The following PRRC2B variants were observed in gnomAD, a reference collection of about 807,000 sequenced individuals.
The protein encoded by PRRC2B is proline rich coiled-coil 2B.
PRRC2B carries 68 observed loss-of-function variants against 242.3 expected under a neutral mutation model. That is an observed-to-expected ratio of 0.28 (90% CI 0.23 to 0.34). The LOEUF (loss-of-function observed/expected upper bound fraction) is 0.34. Among genes scored for constraint, PRRC2B ranks in the 10% least tolerant of loss-of-function variants. The pLI is 1.00. For synonymous variants in PRRC2B, 1,228 were observed against 1,173.6 expected, an observed-to-expected ratio of 1.05 and a Z score of -0.95; for missense variants, 2,835 against 2,954.8, an observed-to-expected ratio of 0.96 and a Z score of 0.94.
rs1184429697 is a variant in PRRC2B, at chr9:131,467,557, C to G, written c.1721-6C>G. On this transcript the variant is annotated splice_region_variant and splice_polypyrimidine_tract_variant and intron_variant, in intron 12 of 31. Transcript: ENST00000683519. ...TGTGTCATTTCTCTGCTGGTATATTCTCTAGGCTCCCCAGAATTCCCTGCC... is the reference window on the plus strand; with the variant it reads ...TGTGTCATTTCTCTGCTGGTATATTGTCTAGGCTCCCCAGAATTCCCTGCC... The G allele has an allele frequency of 6.3e-7, 1 of 1,593,020 alleles. No homozygotes were observed. The highest frequency in any genetic ancestry group is 8.5e-7 in the Non-Finnish European group (1 of 1,169,816).
In PRRC2B at chr9:131,491,589, A is replaced by T; in HGVS notation, c.6381+9A>T. Reference sequence around the variant, plus strand: ...TGAACACCAGCAGAGAGGTAAGGGGACCCCATCTGCCTCTGACCCTAGGGA... The same window carrying T: ...TGAACACCAGCAGAGAGGTAAGGGGTCCCCATCTGCCTCTGACCCTAGGGA... On this transcript the variant is annotated intron_variant, in intron 29 of 31. Transcript: ENST00000683519. The T allele has an allele frequency of 1.2e-6, 2 of 1,603,482 alleles. No homozygotes were observed. The highest frequency in any genetic ancestry group is 1.7e-6 in the Non-Finnish European group (2 of 1,175,462).
chr9:131,420,489 C>CT (rs1169679766), intron 1 of PRRC2B, among the ~76,000 whole-genome samples: 485 of 17,634 alleles, frequency 0.028, 69 homozygotes, highest in African/African-American at 0.063. Flanking sequence ...TTCTTTCTTT[C>CT]TTTCTTTTTT....
chr9:131,436,229 G>T (rs993247487), intron 3 of PRRC2B, among the ~76,000 whole-genome samples: 7 of 152,174 alleles, frequency 4.6e-5, no homozygotes, highest in African/African-American at 1.7e-4. Flanking sequence ...GCCAGGCAAG[G>T]TGGCTCAAGC....
intron 14 of PRRC2B, among the ~76,000 whole-genome samples, chr9:131,472,908 A>T (rs151319069): frequency 6.6e-6 from 1 of 152,136 alleles, no homozygotes; most frequent in South Asian, 2.1e-4. Flanking sequence ...TTTTGCTTCT[A>T]CATTTCATTT....
At chr9:131,465,253 C>G (rs1027922387) in intron 12 of PRRC2B, among the ~76,000 whole-genome samples, 175 bp downstream of exon 12, 19 of 152,126 alleles carry the variant, frequency 1.2e-4, no homozygotes, top group African/African-American at 4.3e-4. Flanking sequence ...GGTTCTGATC[C>G]TATTTGAACT....
intron 1 of PRRC2B, among the ~76,000 whole-genome samples, chr9:131,419,655 CTCT>C (rs149258253): frequency 0.056 from 8,594 of 152,232 alleles, 315 homozygotes; most frequent in Admixed American, 0.11. Context: ...GGTCTTTGTT[CTCT>C]TGTTTATTCC....
rs1260096023 is a variant in PRRC2B at position 131,475,362 on chromosome 9, G to A, written c.3233G>A (p.Gly1078Asp). The change falls in exon 16 of 32, where the codon GGT (glycine) becomes GAT (aspartate). Residue 1078 changes from glycine (G) to aspartate (D), a missense_variant. Physicochemically the swap from Gly to Asp is moderately conservative, Grantham distance 94. Coordinates refer to ENST00000683519, the MANE Select transcript of PRRC2B (RefSeq NM_013318.4). ...GRGFREFTFRGRPAGGNGSGL... is the reference protein window; with the variant it reads ...GRGFREFTFRDRPAGGNGSGL... Reference sequence around the variant, plus strand: ...GGTTTCAGAGAGTTCACTTTTCGTGGTCGGCCTGCTGGCGGAAATGGGAGC... The same window carrying A: ...GGTTTCAGAGAGTTCACTTTTCGTGATCGGCCTGCTGGCGGAAATGGGAGC... 2 of 1,586,418 alleles carry A rather than the reference G, an allele frequency of 1.3e-6. No individual in the cohort carries two copies. The highest frequency in any genetic ancestry group is 2.7e-5 in the African/African-American group (2 of 73,924).
intron 1 of PRRC2B, among the ~76,000 whole-genome samples, chr9:131,402,499 C>T (rs890967300): frequency 5.3e-5 from 8 of 152,274 alleles, no homozygotes; most frequent in East Asian, 1.9e-4. Flanking sequence ...CATTCAGCGA[C>T]GGGCAGCAGC....
intron 1 of PRRC2B, among the ~76,000 whole-genome samples, chr9:131,408,055 C>T (rs779229144): frequency 6.6e-6 from 1 of 152,130 alleles, no homozygotes; most frequent in Admixed American, 6.5e-5. Context: ...GGCCCTAATC[C>T]GCCTCCTGCA....
chr9:131,494,520 G>C lies in PRRC2B; in HGVS notation c.6555+34G>C. ...TGGCTTTCCAGACCCTTCAGCCCTG[G>C]ACACTTAGGCCCGTCTCCAAGCGCC... is the stretch of plus-strand genomic sequence containing the variant. On this transcript the variant is annotated intron_variant, in intron 31 of 31. Transcript: ENST00000683519. The surrounding 1 kb of genome is among the most constrained non-coding windows in gnomAD (Gnocchi z 4.3). 1 of 1,234,022 alleles carries C rather than the reference G, an allele frequency of 8.1e-7. No homozygotes were observed. The highest frequency in any genetic ancestry group is 2.5e-5 in the East Asian group (1 of 40,724). The allele number at this position is 1,234,022 out of a possible 1,614,324, so 76.4% of individuals were successfully genotyped here. A position where few individuals can be genotyped will look rare whatever the true frequency, so the allele number is the denominator to read the frequency against.
intron 10 of PRRC2B, among the ~76,000 whole-genome samples, chr9:131,455,425 C>T (rs913374721): frequency 1.3e-5 from 2 of 151,822 alleles, no homozygotes; most frequent in Admixed American, 6.6e-5. Context: ...ATGCAGACCA[C>T]GTCTTCATGG....
chr9:131,475,019 C>CAGG lies in PRRC2B; in HGVS notation c.2893_2895dup (p.Glu965dup), dbSNP rs767910823. 176 of 1,606,138 alleles carry CAGG rather than the reference C, an allele frequency of 1.1e-4. No homozygotes were observed. The Middle Eastern group carries it at 1.2e-3, about 11-fold the overall frequency. ...GGAGAAGGAGCTTGAGAAGATTAAG[C>CAGG]AGGAGCTAGGGGAGGAGAGTACCCG... On this transcript the variant is annotated inframe_insertion, in exon 16 of 32. Coordinates refer to ENST00000683519, the MANE Select transcript of PRRC2B (RefSeq NM_013318.4).
At chr9:131,453,429 G>C (rs1398480253) in intron 9 of PRRC2B, among the ~76,000 whole-genome samples, 1 of 151,804 alleles carries the variant, frequency 6.6e-6, no homozygotes, top group African/African-American at 2.4e-5. Flanking sequence ...CTAGAGTTGG[G>C]ATCTTGCTCT....
chr9:131,495,262 TG>T (rs1020484859), intron 31 of PRRC2B, among the ~76,000 whole-genome samples: 13 of 148,220 alleles, frequency 8.8e-5, no homozygotes, highest in Non-Finnish European at 1.3e-4. Flanking sequence ...GTGGGAATGG[TG>T]GGGGGGTTGG....
In PRRC2B at chr9:131,382,730, C is replaced by T. The variant is rs376485476; in HGVS notation, c.-56+8999C>T. Among the ~76,000 whole-genome samples the T allele has an allele frequency of 3.4e-4, 52 of 150,728 alleles. No homozygotes were observed. In the South Asian group the frequency reaches 0.011, roughly 31 times the overall value. On this transcript the variant is annotated intron_variant, in intron 1 of 1. Transcript: ENST00000682525. Reference sequence around the variant, plus strand: ...TGTGATCTCGGCTCACAGCAACCTTCGTCTCCCAAGCTCAAGCGAATCTCC... The same window carrying T: ...TGTGATCTCGGCTCACAGCAACCTTTGTCTCCCAAGCTCAAGCGAATCTCC...
At chr9:131,437,484 C>G (rs915794276) in intron 4 of PRRC2B, among the ~76,000 whole-genome samples, 2 of 152,202 alleles carry the variant, frequency 1.3e-5, no homozygotes, top group African/African-American at 4.8e-5. Context: ...AACTAGAAAT[C>G]TAGATGAGAA....
intron 1 of PRRC2B, among the ~76,000 whole-genome samples, chr9:131,407,201 C>T (rs1276705558): frequency 6.6e-6 from 1 of 152,076 alleles, no homozygotes; most frequent in African/African-American, 2.4e-5. Flanking sequence ...AAAGATCCCA[C>T]AGCTTTACAA....
intron 6 of PRRC2B, 115 bp downstream of exon 6, chr9:131,444,443 C>A: frequency 8.6e-7 from 1 of 1,166,554 alleles, no homozygotes; most frequent in Non-Finnish European, 1.1e-6. Flanking sequence ...GAGCTGGAAA[C>A]GTGGCTCTTT....
chr9:131,440,619 A>G (rs1032644926), intron 5 of PRRC2B, among the ~76,000 whole-genome samples: 1 of 152,232 alleles, frequency 6.6e-6, no homozygotes, highest in Admixed American at 6.5e-5. Flanking sequence ...TGACTTGCGC[A>G]TAAGATTATT....
Sources: gnomAD v4.1 joint callset for allele counts (sites outside exome capture counted in the v4.1 genomes callset) on GRCh38, gnomAD v4.1.1 for gene constraint, Gnocchi (gnomAD v3.1) non-coding constraint, MANE v1.5 for transcripts, NCBI Gene and HGNC (gene_info 2026-07-23, HGNC 2026-07-21) for gene names.